The following AOX1 variants were observed in gnomAD, a reference collection of about 807,000 sequenced individuals.
AOX1 encodes aldehyde oxidase.
Under a neutral mutation model 169.5 loss-of-function variants are expected in AOX1, and 153 were observed. The observed-to-expected ratio is 0.90, with a 90% CI of 0.79 to 1.03. The LOEUF (loss-of-function observed/expected upper bound fraction) is 1.03. Among genes scored for constraint, AOX1 ranks in the 50% least tolerant of loss-of-function variants. The pLI is 0.00. For synonymous variants in AOX1, 562 were observed against 581.9 expected, an observed-to-expected ratio of 0.97 and a Z score of 0.49; for missense variants, 1,656 against 1,663.9, an observed-to-expected ratio of 1.00 and a Z score of 0.08.
At chr2:200,672,717 T>C (rs2036046135), downstream of AOX1, among the ~76,000 whole-genome samples, 1 of 152,090 alleles carries the variant, frequency 6.6e-6, no homozygotes, top group South Asian at 2.1e-4. Flanking sequence ...GAAGTAGAAG[T>C]GGAGCAGGTT....
At chr2:200,595,446 T>C in intron 3 of AOX1, 78 bp downstream of exon 3, 2 of 990,404 alleles carry the variant, frequency 2.0e-6, no homozygotes, top group East Asian at 2.7e-5. Context: ...TTGGTAAATA[T>C]ATATTGAGTA....
chr2:200,634,927 C>T lies in AOX1; in HGVS notation c.2346+12C>T, dbSNP rs773662902. 9.9e-6 allele frequency: 16 copies of T among 1,613,232 alleles called. No homozygotes were observed. The highest frequency in any genetic ancestry group is 1.3e-5 in the Non-Finnish European group (15 of 1,179,658). ...CCAAATATATACAGGTAACATGGGG[C>T]CATTGTGGAGAGGACATGGCTAAAT... On this transcript the variant is annotated intron_variant, in intron 21 of 34. Coordinates refer to ENST00000374700, the MANE Select transcript of AOX1 (RefSeq NM_001159.4).
chr2:200,603,162 A>G, intron 6 of AOX1, 105 bp from the exon 7 acceptor site: 1 of 868,388 alleles, frequency 1.2e-6, no homozygotes, highest in East Asian at 2.6e-5. Context: ...CATGGCATCT[A>G]ACGATATTGA....
chr2:200,609,473 T>C, intron 12 of AOX1, 59 bp downstream of exon 12: 1 of 1,407,578 alleles, frequency 7.1e-7, no homozygotes, highest in Non-Finnish European at 1.0e-6. Context: ...TTTTTCTCTC[T>C]GGGGAGGCAG....
At chr2:200,610,648 T>C (rs2034615445) in intron 12 of AOX1, among the ~76,000 whole-genome samples, 1 of 152,194 alleles carries the variant, frequency 6.6e-6, no homozygotes, top group Admixed American at 6.5e-5. Flanking sequence ...TTCATGACTG[T>C]ATCTAGTGGG....
intron 18 of AOX1, among the ~76,000 whole-genome samples, chr2:200,623,133 C>T (rs2034921441): frequency 6.6e-6 from 1 of 152,188 alleles, no homozygotes; most frequent in Non-Finnish European, 1.5e-5. Context: ...TTGTGAATCA[C>T]AGCATAAAGT....
rs2035966144 is a variant in AOX1, at chr2:200,668,507, C to G, written c.3610-108C>G. The G allele has an allele frequency of 3.9e-6, 4 of 1,022,652 alleles. No homozygotes were observed. The East Asian group carries it at 7.4e-5, about 19-fold the overall frequency. The allele number at this position is 1,022,652 out of a possible 1,614,324, so 63.3% of individuals were successfully genotyped here. A position where few individuals can be genotyped will look rare whatever the true frequency, so the allele number is the denominator to read the frequency against. On this transcript the variant is annotated intron_variant, in intron 32 of 34. Coordinates refer to ENST00000374700, the MANE Select transcript of AOX1 (RefSeq NM_001159.4). ...TGCTCCAAGACACCCTGAAAATGCTCTTAAACTGTAATTTTAAAATTCAAG... is the reference window on the plus strand; with the variant it reads ...TGCTCCAAGACACCCTGAAAATGCTGTTAAACTGTAATTTTAAAATTCAAG...
At chr2:200,615,879 G>A in intron 15 of AOX1, 92 bp from the exon 16 acceptor site, 1 of 892,482 alleles carries the variant, frequency 1.1e-6, no homozygotes. Flanking sequence ...TCAGAGTAGA[G>A]ATGCTTGCTA....
intron 17 of AOX1, 21 bp from the exon 18 acceptor site, chr2:200,621,099 T>C (rs370480501): frequency 5.0e-6 from 8 of 1,602,650 alleles, no homozygotes; most frequent in East Asian, 2.2e-5. Flanking sequence ...TCTAAGGAGC[T>C]CTGCTGTGTA....
At chr2:200,644,648 C>G (rs1460574697) in intron 25 of AOX1, among the ~76,000 whole-genome samples, 1 of 152,102 alleles carries the variant, frequency 6.6e-6, no homozygotes, top group East Asian at 1.9e-4. Context: ...GGCAGTATAG[C>G]CATTTTCACA....
At chr2:200,593,255 C>G (rs746763518) in intron 2 of AOX1, 52 bp downstream of exon 2, 3 of 1,333,930 alleles carry the variant, frequency 2.2e-6, no homozygotes, top group South Asian at 2.4e-5. Flanking sequence ...TTGTATAACT[C>G]CAATATCCTC....
chr2:200,664,514 A>T (rs2035891841), intron 31 of AOX1, among the ~76,000 whole-genome samples: 1 of 152,350 alleles, frequency 6.6e-6, no homozygotes, highest in Admixed American at 6.5e-5. Flanking sequence ...CTATATATGC[A>T]TTGTCCTTGT....
At chr2:200,666,645 A>G (rs747349989) in intron 31 of AOX1, 42 bp from the exon 32 acceptor site, 3 of 1,465,344 alleles carry the variant, frequency 2.0e-6, no homozygotes, top group South Asian at 1.3e-5. Context: ...TCCCTAAGTT[A>G]TTCTCATTAA....
chr2:200,658,348 A>G (rs906597139), intron 27 of AOX1, among the ~76,000 whole-genome samples: 6 of 152,224 alleles, frequency 3.9e-5, no homozygotes, highest in African/African-American at 1.4e-4. Flanking sequence ...AAGATGTTAA[A>G]TACATATTTT....
At chr2:200,627,131 T>G (rs1265902519) in intron 19 of AOX1, among the ~76,000 whole-genome samples, 1 of 152,240 alleles carries the variant, frequency 6.6e-6, no homozygotes, top group East Asian at 1.9e-4. Context: ...TCTGTGCATA[T>G]TATTTCTTCA....
intron 25 of AOX1, 70 bp downstream of exon 25, chr2:200,642,871 T>G: frequency 2.0e-6 from 3 of 1,472,212 alleles, no homozygotes; most frequent in Non-Finnish European, 2.8e-6. Context: ...TGGGGGCCAT[T>G]CAGGTTGAGG....
intron 29 of AOX1, 125 bp downstream of exon 29, chr2:200,660,194 G>A (rs917638359): frequency 1.8e-5 from 14 of 780,660 alleles, no homozygotes; most frequent in Non-Finnish European, 6.2e-6. Flanking sequence ...ATTGTGTAAT[G>A]ATAAATAAAA....
chr2:200,615,862 T>C (rs2034744541), intron 15 of AOX1, 109 bp from the exon 16 acceptor site: 3 of 768,896 alleles, frequency 3.9e-6, no homozygotes, highest in Non-Finnish European at 6.6e-6. Flanking sequence ...TTAATATACG[T>C]GAGACTTCAG....
intron 21 of AOX1, 125 bp from the exon 22 acceptor site, chr2:200,636,786 C>G: frequency 5.5e-6 from 6 of 1,094,540 alleles, no homozygotes; most frequent in Non-Finnish European, 7.9e-6. Flanking sequence ...TAGTGACTGT[C>G]ACAGTCCATT....
Sources: gnomAD v4.1 joint callset for allele counts (sites outside exome capture counted in the v4.1 genomes callset) on GRCh38, gnomAD v4.1.1 for gene constraint, MANE v1.5 for transcripts, NCBI Gene and HGNC (gene_info 2026-07-23, HGNC 2026-07-21) for gene names.